ANKS1B: variants seen among roughly 807,000 people sequenced by gnomAD.
ANKS1B encodes ankyrin repeat and sterile alpha motif domain containing 1B.
A neutral mutation model predicts 148.3 loss-of-function variants in ANKS1B; 36 were observed. The ratio of observed to expected loss-of-function variants is 0.24; its 90% CI spans 0.19 to 0.32. ANKS1B has a LOEUF of 0.32. Ranked by LOEUF, ANKS1B falls within the 10% of genes least tolerant of loss-of-function variation. The probability of loss-of-function intolerance (pLI) is 1.00; values close to 1 mark genes in which losing one functional copy is unlikely to be tolerated. For synonymous variants in ANKS1B, 542 were observed against 560.8 expected (o/e 0.97, Z 0.47); for missense variants, 1,157 against 1,542.6 (o/e 0.75, Z 4.19).
chr12:99,955,420 G>A lies in ANKS1B; in HGVS notation c.134+28684C>T, dbSNP rs573361235. Among the ~76,000 whole-genome samples the A allele has an allele frequency of 2.8e-3, 406 of 147,062 alleles. 1 individual carries two copies. Among genetic ancestry groups the A allele is most frequent in the African/African-American group, 9.8e-3 (390 of 39,870 alleles). On this transcript the variant is annotated intron_variant, in intron 1 of 26. Coordinates refer to ENST00000683438, the MANE Select transcript of ANKS1B (RefSeq NM_001352186.2). The stretch of plus-strand genomic sequence containing the variant: ...AGGCAGGAGAATGGCGTGAACCCGG[G>A]AGGCGGAGCTTGCAGTGAGTCGAGA...
At chr12:99,967,451 C>T (rs1317817624) in intron 1 of ANKS1B, among the ~76,000 whole-genome samples, 2 of 152,098 alleles carry the variant, frequency 1.3e-5, no homozygotes, top group Non-Finnish European at 2.9e-5. Flanking sequence ...TTGGGTCTTG[C>T]TCTGTTACCC....
At chr12:98,990,875 G>A (rs561308338) in intron 17 of ANKS1B, among the ~76,000 whole-genome samples, 6 of 151,354 alleles carry the variant, frequency 4.0e-5, no homozygotes, top group East Asian at 1.9e-4. Flanking sequence ...ACCTGCTTGC[G>A]CTATATGCAT....
intron 17 of ANKS1B, among the ~76,000 whole-genome samples, chr12:98,845,402 T>C: frequency 6.6e-6 from 1 of 152,176 alleles, no homozygotes; most frequent in Non-Finnish European, 1.5e-5. Flanking sequence ...CCTAGCACAG[T>C]GCCTGGCTCC....
intron 14 of ANKS1B, among the ~76,000 whole-genome samples, chr12:99,197,005 T>C (rs1316197626): frequency 6.6e-6 from 1 of 152,108 alleles, no homozygotes; most frequent in Non-Finnish European, 1.5e-5. Context: ...CCAAGGGAGA[T>C]ATCCTCTCTC....
intron 14 of ANKS1B, among the ~76,000 whole-genome samples, chr12:99,213,710 C>T (rs2083698987): frequency 6.6e-6 from 1 of 152,170 alleles, no homozygotes; most frequent in Admixed American, 6.5e-5. Flanking sequence ...TTCTAACATG[C>T]CCATTTATTT....
chr12:99,634,504 A>G (rs2098211980), intron 9 of ANKS1B, among the ~76,000 whole-genome samples: 1 of 152,202 alleles, frequency 6.6e-6, no homozygotes. Context: ...AAATAGGCTA[A>G]TATATCTATT....
intron 17 of ANKS1B, among the ~76,000 whole-genome samples, chr12:99,034,883 AAAAC>A (rs774868754): frequency 5.1e-4 from 77 of 152,202 alleles, no homozygotes; most frequent in Non-Finnish European, 9.0e-4. Context: ...TAGGGTTATA[AAAAC>A]AAACAGATAA....
At chr12:99,000,986 C>T (rs567095133) in intron 17 of ANKS1B, among the ~76,000 whole-genome samples, 24 of 151,006 alleles carry the variant, frequency 1.6e-4, no homozygotes, top group East Asian at 1.2e-3. Flanking sequence ...TGTGTGTGTG[C>T]GCGCGTGCAT....
At chr12:99,442,886 C>T (rs2095573341) in intron 11 of ANKS1B, among the ~76,000 whole-genome samples, 2 of 151,928 alleles carry the variant, frequency 1.3e-5, no homozygotes, top group Non-Finnish European at 2.9e-5. Flanking sequence ...CCAAAGTCCT[C>T]CTGTCTTGGA....
intron 17 of ANKS1B, among the ~76,000 whole-genome samples, chr12:98,953,537 G>GTGT (rs2099857258): frequency 1.7e-5 from 1 of 57,456 alleles, no homozygotes; most frequent in East Asian, 6.4e-4. Context: ...ATCTAGAGTG[G>GTGT]TTTTTTTTTT....
At chr12:98,993,911 A>C (rs922897380) in intron 17 of ANKS1B, among the ~76,000 whole-genome samples, 6 of 152,248 alleles carry the variant, frequency 3.9e-5, no homozygotes, top group Non-Finnish European at 7.3e-5. Flanking sequence ...TATTCGTTTC[A>C]GTCCTATTCG....
At chr12:98,905,410 A>G (rs1312029453) in intron 17 of ANKS1B, among the ~76,000 whole-genome samples, 1 of 152,162 alleles carries the variant, frequency 6.6e-6, no homozygotes, top group African/African-American at 2.4e-5. Context: ...ACTCCAAGGA[A>G]AAAAGGAATG....
intron 17 of ANKS1B, among the ~76,000 whole-genome samples, chr12:98,878,374 A>AAAACAAACAAAC (rs3051082): frequency 0.048 from 7,213 of 150,390 alleles, 269 homozygotes; most frequent in African/African-American, 0.1. Context: ...ACCCTGTCTC[A>AAAACAAACAAAC]AAACAAACAA....
At chr12:99,068,916 T>C (rs895775494) in intron 16 of ANKS1B, among the ~76,000 whole-genome samples, 1 of 152,172 alleles carries the variant, frequency 6.6e-6, no homozygotes, top group Non-Finnish European at 1.5e-5. Flanking sequence ...CAAAAAGCTT[T>C]CCCTGATCCC....
chr12:99,868,890 T>C (rs1417051335), intron 1 of ANKS1B, among the ~76,000 whole-genome samples: 1 of 151,912 alleles, frequency 6.6e-6, no homozygotes, highest in Non-Finnish European at 1.5e-5. Flanking sequence ...AAATCCTGTC[T>C]CTACTAACAA....
At chr12:99,281,926 C>T (rs1259664640) in intron 12 of ANKS1B, among the ~76,000 whole-genome samples, 1 of 152,186 alleles carries the variant, frequency 6.6e-6, no homozygotes, top group Non-Finnish European at 1.5e-5. Context: ...CAGTCTAATA[C>T]ATAACAGCCA....
At chr12:98,968,913 C>T (rs1462196274) in intron 17 of ANKS1B, among the ~76,000 whole-genome samples, 3 of 152,156 alleles carry the variant, frequency 2.0e-5, no homozygotes, top group Non-Finnish European at 4.4e-5. Context: ...TGTTTGGGCA[C>T]AGTAGAGATA....
intron 12 of ANKS1B, among the ~76,000 whole-genome samples, chr12:99,251,392 A>G (rs918897714): frequency 6.6e-6 from 1 of 152,212 alleles, no homozygotes; most frequent in African/African-American, 2.4e-5. Flanking sequence ...GTATATTTTA[A>G]AAAGTATACT....
chr12:98,789,695 C>T (rs1339869127), intron 22 of ANKS1B, among the ~76,000 whole-genome samples: 1 of 152,048 alleles, frequency 6.6e-6, no homozygotes, highest in Non-Finnish European at 1.5e-5. Flanking sequence ...ATAGTACTGG[C>T]TATCATTTGA....
Sources: gnomAD v4.1 joint callset for allele counts (sites outside exome capture counted in the v4.1 genomes callset) on GRCh38, gnomAD v4.1.1 for gene constraint, MANE v1.5 for transcripts, NCBI Gene and HGNC (gene_info 2026-07-23, HGNC 2026-07-21) for gene names.